The following RGS8 variants were observed in gnomAD, a reference collection of about 807,000 sequenced individuals.
RGS8 encodes regulator of G-protein signaling 8.
A neutral mutation model predicts 21.7 loss-of-function variants in RGS8; 8 were observed. The ratio of observed to expected loss-of-function variants is 0.37; its 90% CI spans 0.22 to 0.66. RGS8 has a LOEUF of 0.66. Among genes scored for constraint, RGS8 ranks in the 30% least tolerant of loss-of-function variants. The pLI is 0.59. For synonymous variants in RGS8, 80 were observed against 83.6 expected (o/e 0.96, Z 0.24); for missense variants, 157 against 217.9 (o/e 0.72, Z 1.76).
chr1:182,724,201 G>GATATATAC, the RGS8 span, among the ~76,000 whole-genome samples: 1 of 42,082 alleles, frequency 2.4e-5, no homozygotes, highest in Non-Finnish European at 4.8e-5. Context: ...GGCTAGACTG[G>GATATATAC]ATATATATAT....
the RGS8 span, among the ~76,000 whole-genome samples, chr1:182,745,599 T>C: frequency 2.0e-5 from 3 of 152,260 alleles, no homozygotes; most frequent in Non-Finnish European, 2.9e-5. Context: ...CTTTCAATTA[T>C]TTTAAATCAG....
At chr1:182,652,922 G>A (rs1663091253) in intron 5 of RGS8, among the ~76,000 whole-genome samples, 2 of 152,156 alleles carry the variant, frequency 1.3e-5, no homozygotes, top group Non-Finnish European at 2.9e-5. Context: ...GGGAACCACA[G>A]GAATGAAGGC....
the RGS8 span, among the ~76,000 whole-genome samples, chr1:182,716,602 T>C: frequency 2.0e-5 from 3 of 152,098 alleles, no homozygotes; most frequent in African/African-American, 7.2e-5. Context: ...AGGTATCTAT[T>C]ATGCCCATTT....
At chr1:182,660,860 C>G (rs1663549571) in intron 5 of RGS8, among the ~76,000 whole-genome samples, 1 of 151,738 alleles carries the variant, frequency 6.6e-6, no homozygotes, top group Admixed American at 6.6e-5. Context: ...CTGAGAGGAC[C>G]CGCAGATTTT....
chr1:182,725,888 AAATGTT>A, the RGS8 span, among the ~76,000 whole-genome samples: 1 of 152,236 alleles, frequency 6.6e-6, no homozygotes, highest in Non-Finnish European at 1.5e-5. Flanking sequence ...TAAAGTCACA[AAATGTT>A]AATGTTAAAC....
the RGS8 span, among the ~76,000 whole-genome samples, chr1:182,725,520 G>C: frequency 6.6e-6 from 1 of 152,298 alleles, no homozygotes; most frequent in East Asian, 1.9e-4. Flanking sequence ...GAACACACGA[G>C]ATGGGGACAT....
At chr1:182,715,468 T>A in the RGS8 span, among the ~76,000 whole-genome samples, 1 of 152,174 alleles carries the variant, frequency 6.6e-6, no homozygotes, top group Non-Finnish European at 1.5e-5. Context: ...ACCCAGTTAT[T>A]GGAAAGGGGA....
the RGS8 span, among the ~76,000 whole-genome samples, chr1:182,726,433 G>A: frequency 6.6e-6 from 1 of 152,148 alleles, no homozygotes; most frequent in South Asian, 2.1e-4. Context: ...TACTTTGGGA[G>A]GCCGAGGTAG....
chr1:182,690,690 C>T, the RGS8 span, among the ~76,000 whole-genome samples: 4 of 152,288 alleles, frequency 2.6e-5, no homozygotes, highest in Admixed American at 6.5e-5. Flanking sequence ...AAAAATACCT[C>T]GTGATTTGAT....
the RGS8 span, among the ~76,000 whole-genome samples, chr1:182,747,069 TTTTTTTTTTTTG>T: frequency 1.8e-5 from 2 of 112,256 alleles, no homozygotes; most frequent in Admixed American, 9.1e-5. Flanking sequence ...TTTTTTTTTT[TTTTTTTTTTTTG>T]TAGAGATGGA....
At chr1:182,734,146 C>A in the RGS8 span, among the ~76,000 whole-genome samples, 1 of 151,986 alleles carries the variant, frequency 6.6e-6, no homozygotes, top group Non-Finnish European at 1.5e-5. Flanking sequence ...GTCTCGAACT[C>A]CTGGCCTCAG....
chr1:182,719,547 C>A, the RGS8 span, among the ~76,000 whole-genome samples: 5 of 150,920 alleles, frequency 3.3e-5, no homozygotes, highest in Non-Finnish European at 5.9e-5. Context: ...CCTCCCACCT[C>A]AGCCTCCTGA....
chr1:182,661,808 TCACACACA>T (rs71127312), intron 5 of RGS8, among the ~76,000 whole-genome samples: 1,542 of 132,446 alleles, frequency 0.012, 35 homozygotes, highest in African/African-American at 0.037. Context: ...GTACACACAT[TCACACACA>T]CACACACACA....
At chr1:182,695,449 C>G in the RGS8 span, among the ~76,000 whole-genome samples, 13 of 152,064 alleles carry the variant, frequency 8.5e-5, no homozygotes, top group Admixed American at 7.9e-4. Flanking sequence ...ACTCTGCAGG[C>G]CAAATCTAAA....
intron 3 of RGS8, 83 bp from the exon 5 acceptor site, chr1:182,667,056 G>GCTA: frequency 8.8e-7 from 1 of 1,137,912 alleles, no homozygotes; most frequent in Non-Finnish European, 1.3e-6. Flanking sequence ...TGGAGCTGCT[G>GCTA]CTACGGGAGC....
chr1:182,659,459 G>T (rs1395240545), intron 5 of RGS8, among the ~76,000 whole-genome samples: 1 of 152,232 alleles, frequency 6.6e-6, no homozygotes, highest in Non-Finnish European at 1.5e-5. Context: ...TCAGCATTTT[G>T]GGAGACTGAA....
chr1:182,749,797 C>T, the RGS8 span, among the ~76,000 whole-genome samples: 1 of 152,104 alleles, frequency 6.6e-6, no homozygotes, highest in Non-Finnish European at 1.5e-5. Context: ...TAAATGTGTG[C>T]CATGGTGGTT....
chr1:182,696,482 C>T, the RGS8 span, among the ~76,000 whole-genome samples: 6 of 152,014 alleles, frequency 3.9e-5, no homozygotes, highest in Admixed American at 2.0e-4. Flanking sequence ...CCCAGCCCCC[C>T]GAGTAGCTGG....
At chr1:182,665,004 G>A (rs761706716) in intron 5 of RGS8, among the ~76,000 whole-genome samples, 11 of 152,192 alleles carry the variant, frequency 7.2e-5, no homozygotes, top group Non-Finnish European at 1.3e-4. Flanking sequence ...AATCAAGAAC[G>A]CAGGTCTGAC....
Sources: gnomAD v4.1 joint callset for allele counts (sites outside exome capture counted in the v4.1 genomes callset) on GRCh38, gnomAD v4.1.1 for gene constraint, MANE v1.5 for transcripts, NCBI Gene and HGNC (gene_info 2026-07-23, HGNC 2026-07-21) for gene names.